BMP7: variants seen among roughly 807,000 people sequenced by gnomAD.
BMP7 encodes the protein osteogenic protein 1.
In BMP7, 12 loss-of-function variants were observed where a neutral mutation model predicts 41.2. The ratio of observed to expected loss-of-function variants is 0.29; its 90% CI spans 0.19 to 0.47. The LOEUF (loss-of-function observed/expected upper bound fraction) is 0.47, where lower values mean the gene tolerates loss of function less well. Among genes scored for constraint, BMP7 ranks in the 20% least tolerant of loss-of-function variants. BMP7 has a pLI of 0.99. For synonymous variants in BMP7, 248 were observed against 250.0 expected, an observed-to-expected ratio of 0.99 and a Z score of 0.07; for missense variants, 467 against 606.0, an observed-to-expected ratio of 0.77 and a Z score of 2.41.
At chr20:57,187,202 G>A (rs957267585) in intron 3 of BMP7, 1 of 152,216 alleles carries the variant, frequency 6.6e-6, no homozygotes, top group Non-Finnish European at 1.5e-5. Flanking sequence ...TCTCAAGGGT[G>A]TTTAAACCCG....
chr20:57,190,326 G>A (rs1204300003), intron 3 of BMP7, among the ~76,000 whole-genome samples: 1 of 151,216 alleles, frequency 6.6e-6, no homozygotes, highest in Non-Finnish European at 1.5e-5. Context: ...AGCTTGAAGG[G>A]GTGAGGCTGG....
At chr20:57,172,326 AC>A (rs1285613897) in intron 6 of BMP7, among the ~76,000 whole-genome samples, 4 of 152,216 alleles carry the variant, frequency 2.6e-5, no homozygotes, top group African/African-American at 4.8e-5. Flanking sequence ...TGGAAAACCA[AC>A]ACTTAAAAAA....
chr20:57,179,126 C>T (rs1984007553), intron 4 of BMP7, among the ~76,000 whole-genome samples: 1 of 152,210 alleles, frequency 6.6e-6, no homozygotes, highest in Non-Finnish European at 1.5e-5. Flanking sequence ...AGACCCTGCT[C>T]TGTGCTTCCA....
intron 2 of BMP7, among the ~76,000 whole-genome samples, chr20:57,206,282 C>A (rs1029874341): frequency 6.6e-6 from 1 of 152,176 alleles, no homozygotes; most frequent in Non-Finnish European, 1.5e-5. Context: ...TTCGCCACTG[C>A]TGAGAATCTC....
At position 57,169,133 on chromosome 20, in the gene BMP7, A is replaced by G. The variant is rs924650527; in HGVS notation, c.*1826T>C. On this transcript the variant is annotated 3_prime_UTR_variant, in exon 7 of 7. Transcript: ENST00000395863. ...CAAATGAAACCAAACATAACAAAAA[A>G]TACTCCTCCCCAGTGACTAGAGAGT... 6.6e-6 allele frequency: 1 copy of G among 152,212 alleles called. No homozygotes were observed. 9.4% of individuals were successfully genotyped at this position (152,212 alleles called of 1,614,324 possible). A position where few individuals can be genotyped will look rare whatever the true frequency, so the allele number is the denominator to read the frequency against.
At chr20:57,258,227 A>G (rs549954111) in intron 1 of BMP7, among the ~76,000 whole-genome samples, 108 of 152,294 alleles carry the variant, frequency 7.1e-4, no homozygotes, top group Non-Finnish European at 1.3e-4. Context: ...GAATTTATGG[A>G]AAGTCTTGAA....
In BMP7 at chr20:57,214,090, C is replaced by G. The variant is rs1395344737; in HGVS notation, c.612-11467G>C. On this transcript the variant is annotated intron_variant, in intron 2 of 6. Coordinates refer to ENST00000395863, the MANE Select transcript of BMP7 (RefSeq NM_001719.3). This position sits in a 1 kb window ranked among gnomAD's most constrained non-coding sequence, Gnocchi z 4.0. ...TCTTAGAACAAGGTGCGGAGCGAGC[C>G]CTCTGAACCGTATGGTACCTGAGAG... is the stretch of plus-strand genomic sequence containing the variant. Among the ~76,000 whole-genome samples the G allele has an allele frequency of 6.6e-6, 1 of 152,176 alleles. No individual in the cohort carries two copies. Among genetic ancestry groups the G allele is most frequent in the Admixed American group, 6.5e-5 (1 of 15,278 alleles).
intron 1 of BMP7, among the ~76,000 whole-genome samples, chr20:57,247,115 C>A (rs1568728729): frequency 6.6e-6 from 1 of 152,178 alleles, no homozygotes; most frequent in East Asian, 1.9e-4. Context: ...ACCTCCACAC[C>A]CCAGCCCAGG....
intron 1 of BMP7, among the ~76,000 whole-genome samples, chr20:57,263,817 A>T (rs904141314): frequency 5.3e-5 from 8 of 152,038 alleles, no homozygotes; most frequent in Non-Finnish European, 7.3e-5. Flanking sequence ...TTTTAAAAAA[A>T]TCACAAATAC....
chr20:57,257,774 G>GA (rs1324948313), intron 1 of BMP7, among the ~76,000 whole-genome samples: 10 of 85,334 alleles, frequency 1.2e-4, no homozygotes, highest in Non-Finnish European at 1.8e-4. Flanking sequence ...AAGGCTGTCT[G>GA]AAAAAAAACA....
Position 57,265,805 on chromosome 20 carries a change from G to A in BMP7, c.318C>T (p.Pro106=). The change falls in exon 1 of 7, where the codon CCC becomes CCT. Residue 106 remains proline (P), a synonymous_variant. Transcript: ENST00000395863. ...CCTGGGTACTGAAGACGGCCTTGTA[G>A]GGGTAGGAGAAGCCCTGGCCGCCGG... ...GGPGGQGFSY[P]YKAVFSTQGP... 1 of 1,609,084 alleles carries A rather than the reference G, an allele frequency of 6.2e-7. No homozygotes were observed. The highest frequency in any genetic ancestry group is 8.5e-7 in the Non-Finnish European group (1 of 1,178,154).
chr20:57,205,441 C>T (rs898764624), intron 2 of BMP7, among the ~76,000 whole-genome samples: 3 of 152,192 alleles, frequency 2.0e-5, no homozygotes, highest in Non-Finnish European at 4.4e-5. Flanking sequence ...GCCTGGATGA[C>T]TTTCCTGGCT....
At chr20:57,225,622 A>G (rs1435600083) in intron 2 of BMP7, among the ~76,000 whole-genome samples, 2 of 152,196 alleles carry the variant, frequency 1.3e-5, no homozygotes, top group East Asian at 1.9e-4. Flanking sequence ...CATGCTCTTA[A>G]TAGCTGGGGA....
At position 57,261,283 on chromosome 20, in the gene BMP7, TCAGA is replaced by T. The variant is rs1263768424; in HGVS notation, c.418+4418_418+4421del. The stretch of plus-strand genomic sequence containing the variant: ...AAAGCGGTTTCGTCTGTCTGTGCAT[TCAGA>T]CAATCATCCCCCTTGCTGCCCTGAA... On this transcript the variant is annotated intron_variant, in intron 1 of 6. Transcript: ENST00000395863. The surrounding 1 kb of genome is among the most constrained non-coding windows in gnomAD (Gnocchi z 4.1). 6.6e-6 allele frequency among the ~76,000 whole-genome samples: 1 copy of T among 152,114 alleles called. No homozygotes were observed. The highest frequency in any genetic ancestry group is 1.5e-5 in the Non-Finnish European group (1 of 68,020).
intron 1 of BMP7, among the ~76,000 whole-genome samples, chr20:57,257,824 C>CAAAAAAAAAAAAAA (rs139904463): frequency 9.7e-6 from 1 of 103,268 alleles, no homozygotes; most frequent in African/African-American, 3.6e-5. Flanking sequence ...CACAAGCCAC[C>CAAAAAAAAAAAAAA]AAAAAAAAAA....
At chr20:57,245,933 C>T (rs891083648) in intron 1 of BMP7, among the ~76,000 whole-genome samples, 109 of 152,280 alleles carry the variant, frequency 7.2e-4, no homozygotes, top group African/African-American at 2.4e-3. Flanking sequence ...CCAGCATGCC[C>T]GGCCATGGTT....
intron 1 of BMP7, among the ~76,000 whole-genome samples, chr20:57,264,415 G>GGT (rs960228838): frequency 6.6e-6 from 1 of 152,240 alleles, no homozygotes; most frequent in African/African-American, 2.4e-5. Flanking sequence ...GCGCTATCGG[G>GGT]GTGTGTTATC....
chr20:57,201,138 C>T (rs939239765), intron 3 of BMP7, among the ~76,000 whole-genome samples: 1 of 152,236 alleles, frequency 6.6e-6, no homozygotes, highest in Non-Finnish European at 1.5e-5. Context: ...TCAGAATCTG[C>T]ATTTTACCAA....
chr20:57,171,200 G>A lies in BMP7; in HGVS notation c.1147-92C>T. ...TTCTATAAAGAAACATCCTGTCTGGGCATAATGAATGACTGCAGGTGACAC... is the reference window on the plus strand; with the variant it reads ...TTCTATAAAGAAACATCCTGTCTGGACATAATGAATGACTGCAGGTGACAC... On this transcript the variant is annotated intron_variant, in intron 6 of 6. Transcript: ENST00000395863. The surrounding 1 kb of genome is among the most constrained non-coding windows in gnomAD (Gnocchi z 4.5). The A allele has an allele frequency of 4.5e-6, 7 of 1,564,444 alleles. No individual in the cohort carries two copies. The highest frequency in any genetic ancestry group is 2.3e-5 in the South Asian group (2 of 87,598).
Sources: gnomAD v4.1 joint callset for allele counts (sites outside exome capture counted in the v4.1 genomes callset) on GRCh38, gnomAD v4.1.1 for gene constraint, Gnocchi (gnomAD v3.1) non-coding constraint, MANE v1.5 for transcripts, NCBI Gene and HGNC (gene_info 2026-07-23, HGNC 2026-07-21) for gene names.